MYO1F: variants seen among roughly 807,000 people sequenced by gnomAD.
MYO1F encodes the protein unconventional myosin-If.
Under a neutral mutation model 146.6 loss-of-function variants are expected in MYO1F, and 60 were observed. The ratio of observed to expected loss-of-function variants is 0.41; its 90% CI spans 0.33 to 0.51. MYO1F has a LOEUF of 0.51. MYO1F is among the 20% of genes least tolerant of loss of function. The probability of loss-of-function intolerance (pLI) is 0.25; values close to 1 mark genes in which losing one functional copy is unlikely to be tolerated. For missense variants in MYO1F, 1,274 were observed against 1,534.3 expected, an observed-to-expected ratio of 0.83 and a Z score of 2.83; for synonymous variants, 602 against 602.1, an observed-to-expected ratio of 1.00 and a Z score of 0.00.
At chr19:8,565,679 G>A (rs975028746) in intron 1 of MYO1F, among the ~76,000 whole-genome samples, 2 of 152,094 alleles carry the variant, frequency 1.3e-5, no homozygotes, top group Admixed American at 6.6e-5. Flanking sequence ...TTGGGGAGAG[G>A]CTGGGGACAG....
rs1357437151 is a variant in MYO1F, at chr19:8,527,491, G to A, written c.2329-8C>T. The A allele has an allele frequency of 5.6e-6, 9 of 1,613,688 alleles. No homozygotes were observed. The highest frequency in any genetic ancestry group is 7.6e-6 in the Non-Finnish European group (9 of 1,179,888). On this transcript the variant is annotated splice_polypyrimidine_tract_variant and splice_region_variant and intron_variant, in intron 21 of 27. Coordinates refer to ENST00000644032, the MANE Select transcript of MYO1F (RefSeq NM_012335.4). ...CAAGTCCCGCTTGATGGGCTGTGGGGATGCAGGATTAGAGGCTGATGCCTG... is the reference window on the plus strand; with the variant it reads ...CAAGTCCCGCTTGATGGGCTGTGGGAATGCAGGATTAGAGGCTGATGCCTG...
At chr19:8,574,725 C>G (rs2146000773) in intron 1 of MYO1F, among the ~76,000 whole-genome samples, 1 of 136,232 alleles carries the variant, frequency 7.3e-6, no homozygotes, top group East Asian at 2.1e-4. Context: ...CTTTCTCTTT[C>G]TTTCTTTCTT....
intron 21 of MYO1F, chr19:8,529,949 G>C: frequency 1.6e-6 from 1 of 624,290 alleles, no homozygotes; most frequent in Non-Finnish European, 2.9e-6. Flanking sequence ...ATCTAGGCTG[G>C]GGGATAGATA....
At chr19:8,541,431 T>G (rs1370320379) in intron 15 of MYO1F, among the ~76,000 whole-genome samples, 1 of 145,928 alleles carries the variant, frequency 6.9e-6, no homozygotes, top group African/African-American at 2.5e-5. Flanking sequence ...GTGTGTTTTT[T>G]TTTTTTTTTT....
intron 16 of MYO1F, among the ~76,000 whole-genome samples, 163 bp downstream of exon 16, chr19:8,539,784 G>A (rs1410732873): frequency 6.6e-6 from 1 of 152,172 alleles, no homozygotes; most frequent in Non-Finnish European, 1.5e-5. Context: ...ACCCAGAGCT[G>A]GAGGAAGACC....
chr19:8,539,894 G>T, intron 16 of MYO1F, 53 bp downstream of exon 16: 1 of 1,505,492 alleles, frequency 6.6e-7, no homozygotes. Flanking sequence ...CCCAGGTAGG[G>T]TGGAACTCAG....
rs1212315204 is a variant in MYO1F, at chr19:8,530,401, T to C, written c.2159-36A>G. ...AGAGGGTGGAGGGCAGAGCTCCTGA[T>C]ACAGCTCCTCCAGGTCCTTGTGCCC... On this transcript the variant is annotated intron_variant, in intron 20 of 27. Transcript: ENST00000644032. The surrounding 1 kb of genome is among the most constrained non-coding windows in gnomAD (Gnocchi z 5.8). The C allele has an allele frequency of 3.1e-6, 5 of 1,613,936 alleles. No homozygotes were observed. In the South Asian group the frequency reaches 5.5e-5, roughly 18 times the overall value.
In MYO1F at chr19:8,551,212, C is replaced by T. The variant is rs115528415; in HGVS notation, c.772-518G>A. ...GACTACAGGCGCATGGCATCATACC[C>T]GGCTAATCTTTGTATTCTTAATAAA... On this transcript the variant is annotated intron_variant, in intron 8 of 27. Coordinates refer to ENST00000644032, the MANE Select transcript of MYO1F (RefSeq NM_012335.4). 8.0e-3 allele frequency among the ~76,000 whole-genome samples: 1,215 copies of T among 151,738 alleles called. 9 individuals carry two copies. The highest frequency in any genetic ancestry group is 0.027 in the African/African-American group (1,122 of 41,346).
Position 8,545,976 on chromosome 19 carries a change from A to G in MYO1F, c.1270-240T>C, listed in dbSNP as rs10405687. ...CCCAGCTCCCTCGCTTCTCCGCTCT[A>G]TGAAGCCTCCTCGAGTCCCAGTGCA... On this transcript the variant is annotated intron_variant, in intron 12 of 27. Coordinates refer to ENST00000644032, the MANE Select transcript of MYO1F (RefSeq NM_012335.4). Among the ~76,000 whole-genome samples the G allele has an allele frequency of 0.076, 11,488 of 151,236 alleles. 890 individuals carry two copies. Among genetic ancestry groups the G allele is most frequent in the African/African-American group, 0.17 (7,063 of 41,148 alleles).
At chr19:8,553,042 T>G in intron 6 of MYO1F, 97 bp downstream of exon 6, 1 of 1,195,712 alleles carries the variant, frequency 8.4e-7, no homozygotes, top group South Asian at 1.2e-5. Flanking sequence ...CAATGGACTC[T>G]TGTCTTGGCA....
In MYO1F at chr19:8,530,162, AG is replaced by A; in HGVS notation, c.2328+33del. On this transcript the variant is annotated intron_variant, in intron 21 of 27. Transcript: ENST00000644032. This position sits in a 1 kb window ranked among gnomAD's most constrained non-coding sequence, Gnocchi z 5.8. ...CAGGTGAGGGTGCCAGGCTGTAGTC[AG>A]GGTCTTGCTGTGCCCACCCACTAGT... The A allele has an allele frequency of 6.2e-7, 1 of 1,613,708 alleles. No homozygotes were observed. The highest frequency in any genetic ancestry group is 8.5e-7 in the Non-Finnish European group (1 of 1,179,880).
At position 8,526,571 on chromosome 19, in the gene MYO1F, C is replaced by G; in HGVS notation, c.2652G>C (p.Trp884Cys). The G allele has an allele frequency of 6.3e-7, 1 of 1,598,406 alleles. No individual in the cohort carries two copies. Among genetic ancestry groups the G allele is most frequent in the Non-Finnish European group, 8.5e-7 (1 of 1,174,648 alleles). ...TLQFRVKKEG[W>C]GGGGTRSVTF... is the part of the protein sequence containing the mutation. ...TGACGCTGCGGGTGCCGCCACCGCCCCAGCCCTCCTTCTTCACCCGAAACT... is the reference window on the plus strand; with the variant it reads ...TGACGCTGCGGGTGCCGCCACCGCCGCAGCCCTCCTTCTTCACCCGAAACT... Residue 884 changes from tryptophan (W) to cysteine (C), a missense_variant, in exon 24 of 28, where the codon TGG becomes TGC. Trp to Cys is a radical substitution (Grantham distance 215). Around this residue, in one of 2 missense-constraint regions of MYO1F, gnomAD observed 374 missense variants for 379.2 expected, o/e 0.99. Coordinates refer to ENST00000644032, the MANE Select transcript of MYO1F (RefSeq NM_012335.4).
Position 8,560,280 on chromosome 19 carries a change from C to T in MYO1F, c.4-4484G>A, listed in dbSNP as rs182791385. On this transcript the variant is annotated intron_variant, in intron 1 of 27. Transcript: ENST00000644032. The stretch of plus-strand genomic sequence containing the variant: ...CGGGCGGATCATGAGGTCAGGAGAT[C>T]GAGACCATCCTGGCTAACATGGTGA... Among the ~76,000 whole-genome samples the T allele has an allele frequency of 2.4e-3, 364 of 151,630 alleles. 9 individuals carry two copies. The East Asian group carries it at 0.06, about 25-fold the overall frequency.
At position 8,545,633 on chromosome 19, in the gene MYO1F, G is replaced by C. The variant is rs1973314514; in HGVS notation, c.1356+17C>G. 1 of 1,610,324 alleles carries C rather than the reference G, an allele frequency of 6.2e-7. No individual in the cohort carries two copies. Among genetic ancestry groups the C allele is most frequent in the Non-Finnish European group, 8.5e-7 (1 of 1,176,608 alleles). On this transcript the variant is annotated intron_variant, in intron 13 of 27. Transcript: ENST00000644032. ...GGACCAGTGAGACGCCCCCGCCAAA[G>C]TTGACCCAGCCCTCACCAGCTTGTT...
Position 8,521,601 on chromosome 19 carries a change from G to A in MYO1F, c.3224C>T (p.Pro1075Leu), listed in dbSNP as rs1352048983. The change falls in exon 28 of 28, where the codon CCC becomes CTC. Residue 1075 changes from proline (P) to leucine (L), a missense_variant. This residue lies in a region of MYO1F where 374 missense variants were observed against 379.2 expected (regional missense o/e 0.99). Coordinates refer to ENST00000644032, the MANE Select transcript of MYO1F (RefSeq NM_012335.4). ...AAGCCGGCCCTTCCACCAGCCCGAG[G>A]GATCTGTGGGAGAGAGGAAAGCTTG... ...NEVIEILMEDPSGWWKGRLHG... is the reference protein window; with the variant it reads ...NEVIEILMEDLSGWWKGRLHG... 3 of 1,614,028 alleles carry A rather than the reference G, an allele frequency of 1.9e-6. No individual in the cohort carries two copies. In the South Asian group the frequency reaches 3.3e-5, roughly 18 times the overall value.
chr19:8,536,996 G>GC lies in MYO1F; in HGVS notation c.1751dup (p.Cys584TrpfsTer219). The GC allele has an allele frequency of 1.9e-6, 3 of 1,613,608 alleles. No homozygotes were observed. The highest frequency in any genetic ancestry group is 2.5e-6 in the Non-Finnish European group (3 of 1,179,876). On this transcript the variant is annotated frameshift_variant, in exon 17 of 28. Transcript: ENST00000644032. LOFTEE classifies it high-confidence loss of function. ...GCCTCTTGGTCTCGTTGGGTTTGAT[G>GC]CAGCGGATGTAGTGGGGTGTGCACC... is the stretch of plus-strand genomic sequence containing the variant.
At chr19:8,550,118 C>T (rs1488562473) in intron 10 of MYO1F, 42 bp downstream of exon 10, 2 of 1,604,166 alleles carry the variant, frequency 1.2e-6, no homozygotes, top group African/African-American at 1.3e-5. Context: ...TGTTTGTGAC[C>T]CCAGAGCATC....
chr19:8,573,750 T>C (rs782805372), intron 1 of MYO1F, among the ~76,000 whole-genome samples: 9 of 152,096 alleles, frequency 5.9e-5, no homozygotes, highest in Admixed American at 1.3e-4. Context: ...CTTGGGAGGC[T>C]GAGGCACGAG....
At chr19:8,576,250 C>T (rs1186198292) in intron 1 of MYO1F, among the ~76,000 whole-genome samples, 2 of 152,196 alleles carry the variant, frequency 1.3e-5, no homozygotes, top group Non-Finnish European at 2.9e-5. Context: ...CTACCTGTCT[C>T]AGCCTCCTAA....
Sources: allele counts gnomAD v4.1 joint callset (sites outside exome capture counted in the v4.1 genomes callset), GRCh38; gene constraint gnomAD v4.1.1; regional missense constraint gnomAD v4.1.1; non-coding constraint Gnocchi (gnomAD v3.1); transcripts MANE v1.5; gene names NCBI Gene and HGNC (gene_info 2026-07-23, HGNC 2026-07-21).